Variants in PCDHA6 observed in about 807,000 individuals in gnomAD.
The protein encoded by PCDHA6 is protocadherin alpha 6.
PCDHA6 carries 55 observed loss-of-function variants against 60.3 expected under a neutral mutation model. That is an observed-to-expected ratio of 0.91 (90% CI 0.73 to 1.14). The LOEUF (loss-of-function observed/expected upper bound fraction) is 1.14, where lower values mean the gene tolerates loss of function less well. PCDHA6 is among the 50% of genes most tolerant of loss of function. The probability of loss-of-function intolerance (pLI) is 0.00; values close to 1 mark genes in which losing one functional copy is unlikely to be tolerated. For missense variants in PCDHA6, 1,327 were observed against 1,256.5 expected, an observed-to-expected ratio of 1.06 and a Z score of -0.85; for synonymous variants, 652 against 557.9, an observed-to-expected ratio of 1.17 and a Z score of -2.38.
chr5:140,879,787 T>C (rs1409881516), intron 1 of PCDHA6, among the ~76,000 whole-genome samples: 2 of 152,204 alleles, frequency 1.3e-5, no homozygotes. Flanking sequence ...AATCTGGTTT[T>C]TGTTTCTTCC....
At chr5:140,983,165 T>A (rs947834633) in intron 3 of PCDHA6, among the ~76,000 whole-genome samples, 14 of 152,220 alleles carry the variant, frequency 9.2e-5, no homozygotes, top group Admixed American at 4.6e-4. Context: ...TTGCCAAACA[T>A]GACCGCCTCA....
intron 1 of PCDHA6, among the ~76,000 whole-genome samples, chr5:140,961,280 C>T (rs246003): frequency 7.2e-5 from 11 of 152,104 alleles, no homozygotes; most frequent in Non-Finnish European, 1.0e-4. Flanking sequence ...TACCATGGCT[C>T]TGTTTCTTGA....
At chr5:140,871,112 A>G (rs1554165130) in intron 1 of PCDHA6, 2 of 1,613,290 alleles carry the variant, frequency 1.2e-6, no homozygotes, top group Non-Finnish European at 1.7e-6. Context: ...TCGTTGGTGG[A>G]GAGCGGACAG....
chr5:140,974,544 T>C (rs1393611069), intron 1 of PCDHA6, among the ~76,000 whole-genome samples: 1 of 152,232 alleles, frequency 6.6e-6, no homozygotes, highest in Non-Finnish European at 1.5e-5. Context: ...GGAGTTTTGC[T>C]CTTGTTGCCC....
intron 1 of PCDHA6, among the ~76,000 whole-genome samples, chr5:140,949,594 G>C (rs914390039): frequency 6.6e-6 from 1 of 151,450 alleles, no homozygotes; most frequent in African/African-American, 2.4e-5. Context: ...ATATTAATGT[G>C]GCCATTCTAG....
At chr5:140,916,978 C>T (rs907014572) in intron 1 of PCDHA6, among the ~76,000 whole-genome samples, 13 of 152,270 alleles carry the variant, frequency 8.5e-5, no homozygotes, top group South Asian at 2.1e-4. Context: ...ATGAGTGATT[C>T]GCCTCTGGCC....
chr5:140,892,408 G>A (rs1323060042), intron 1 of PCDHA6, among the ~76,000 whole-genome samples: 1 of 152,054 alleles, frequency 6.6e-6, no homozygotes, highest in African/African-American at 2.4e-5. Context: ...TCAAGCTTCA[G>A]GTATTCTAGA....
intron 1 of PCDHA6, among the ~76,000 whole-genome samples, chr5:140,906,598 C>T (rs1258343234): frequency 6.6e-6 from 1 of 152,238 alleles, no homozygotes; most frequent in African/African-American, 2.4e-5. Flanking sequence ...TCCTCTACTA[C>T]TCATTCTGTA....
At chr5:140,910,690 G>T (rs2153515620) in intron 1 of PCDHA6, among the ~76,000 whole-genome samples, 1 of 152,224 alleles carries the variant, frequency 6.6e-6, no homozygotes, top group African/African-American at 2.4e-5. Context: ...GGCATTTCCA[G>T]CTTGCTCACA....
At chr5:141,004,677 A>T (rs971713487) in intron 3 of PCDHA6, among the ~76,000 whole-genome samples, 4 of 152,194 alleles carry the variant, frequency 2.6e-5, no homozygotes, top group African/African-American at 7.2e-5. Context: ...AGGACTGTGG[A>T]GTGGTGCTGA....
chr5:140,834,456 G>A (rs2150218651), intron 1 of PCDHA6: 5 of 1,614,148 alleles, frequency 3.1e-6, no homozygotes, highest in Non-Finnish European at 4.2e-6. Context: ...AGCAGCTTGG[G>A]AGGCAGGGAG....
At chr5:140,917,070 G>A (rs528403297) in intron 1 of PCDHA6, among the ~76,000 whole-genome samples, 14 of 152,102 alleles carry the variant, frequency 9.2e-5, no homozygotes, top group Non-Finnish European at 1.9e-4. Context: ...ACAGCACCGA[G>A]TTTAATGTAA....
intron 3 of PCDHA6, among the ~76,000 whole-genome samples, chr5:140,991,593 C>T (rs2097461164): frequency 6.6e-6 from 1 of 152,196 alleles, no homozygotes; most frequent in South Asian, 2.1e-4. Flanking sequence ...TCTACCTGAG[C>T]CCTCACTGGC....
rs185620917 is a variant in PCDHA6 at position 140,854,335 on chromosome 5, G to A, written c.2394+23850G>A. The A allele has an allele frequency of 1.5e-4, 29 of 191,248 alleles. 1 individual carries two copies. Among genetic ancestry groups the A allele is most frequent in the Non-Finnish European group, 2.6e-4 (27 of 105,250 alleles). The allele number at this position is 191,248 out of a possible 1,614,324, so 11.8% of individuals were successfully genotyped here. ...TTGATCAATGGCAAACTTATTTTACGCTCCAGATAGCTAAAACAAACGTTG... is the reference window on the plus strand; with the variant it reads ...TTGATCAATGGCAAACTTATTTTACACTCCAGATAGCTAAAACAAACGTTG... On this transcript the variant is annotated intron_variant, in intron 1 of 3. Coordinates refer to ENST00000529310, the MANE Select transcript of PCDHA6 (RefSeq NM_018909.4).
At position 140,877,077 on chromosome 5, in the gene PCDHA6, G is replaced by A. The variant is rs373726752; in HGVS notation, c.2394+46592G>A. The A allele has an allele frequency of 1.1e-4, 183 of 1,613,104 alleles. 1 individual carries two copies. The highest frequency in any genetic ancestry group is 1.5e-4 in the Non-Finnish European group (175 of 1,179,844). On this transcript the variant is annotated intron_variant, in intron 1 of 3. Coordinates refer to ENST00000529310, the MANE Select transcript of PCDHA6 (RefSeq NM_018909.4). ...AGCTGGAGCTGCTGCAGTTCCAGGT[G>A]AGCGCGCGCGACGCCGGCGTGCCGC...
rs1554204719 is a variant in PCDHA6, at chr5:140,927,550, A to G, written c.2395-51399A>G. 4.3e-6 allele frequency: 7 copies of G among 1,614,020 alleles called. No homozygotes were observed. In the Admixed American group the frequency reaches 8.3e-5, roughly 19 times the overall value. ...TGCCCGCTCAGGAGACGCACAAGTC[A>G]CCATCATTGTGGTGGACACAAATGA... On this transcript the variant is annotated intron_variant, in intron 1 of 3. Coordinates refer to ENST00000529310, the MANE Select transcript of PCDHA6 (RefSeq NM_018909.4).
chr5:140,969,286 T>C (rs2096315830), intron 1 of PCDHA6: 3 of 1,614,076 alleles, frequency 1.9e-6, no homozygotes, highest in Admixed American at 1.7e-5. Flanking sequence ...GTCAGAATGC[T>C]GGGAACCTGA....
At chr5:140,976,971 C>A (rs2096740170) in intron 1 of PCDHA6, among the ~76,000 whole-genome samples, 1 of 152,138 alleles carries the variant, frequency 6.6e-6, no homozygotes, top group Non-Finnish European at 1.5e-5. Flanking sequence ...TTTCCTTTTC[C>A]CTGCCTGATC....
chr5:140,953,992 G>A (rs1210096728), intron 1 of PCDHA6, among the ~76,000 whole-genome samples: 3 of 152,034 alleles, frequency 2.0e-5, no homozygotes, highest in Non-Finnish European at 2.9e-5. Context: ...ATTTTCATGT[G>A]TACTCATCAT....
Sources: gnomAD v4.1 joint callset for allele counts (sites outside exome capture counted in the v4.1 genomes callset) on GRCh38, gnomAD v4.1.1 for gene constraint, MANE v1.5 for transcripts, NCBI Gene and HGNC (gene_info 2026-07-23, HGNC 2026-07-21) for gene names.